PTK2: variants seen among roughly 807,000 people sequenced by gnomAD.
The protein encoded by PTK2 is protein tyrosine kinase 2.
Under a neutral mutation model 150.1 loss-of-function variants are expected in PTK2, and 45 were observed. The observed-to-expected ratio is 0.30, with a 90% CI of 0.24 to 0.38. PTK2 has a LOEUF of 0.38. Among genes scored for constraint, PTK2 ranks in the 10% least tolerant of loss-of-function variants. The pLI is 1.00. For synonymous variants in PTK2, 432 were observed against 449.2 expected (o/e 0.96, Z 0.48); for missense variants, 919 against 1,307.3 (o/e 0.70, Z 4.58).
chr8:140,991,141 G>A (rs2100195566), intron 1 of PTK2, among the ~76,000 whole-genome samples: 2 of 152,146 alleles, frequency 1.3e-5, no homozygotes, highest in African/African-American at 4.8e-5. Flanking sequence ...TTTCTTAGGA[G>A]AAAAGAGCAA....
intron 22 of PTK2, among the ~76,000 whole-genome samples, chr8:140,724,503 A>G (rs1479553244): frequency 1.3e-5 from 2 of 152,198 alleles, no homozygotes; most frequent in Non-Finnish European, 2.9e-5. Context: ...AAAAGATTGG[A>G]TTTTGATACT....
At chr8:140,864,258 T>C in intron 5 of PTK2, 54 bp downstream of exon 5, 7 of 1,047,414 alleles carry the variant, frequency 6.7e-6, no homozygotes, top group Non-Finnish European at 9.4e-6. Flanking sequence ...AAATATGCAA[T>C]AAATAGGATT....
chr8:140,845,659 T>C (rs2100124965), intron 7 of PTK2, among the ~76,000 whole-genome samples: 2 of 152,202 alleles, frequency 1.3e-5, no homozygotes, highest in Non-Finnish European at 2.9e-5. Context: ...GGGGTTAAAA[T>C]TTTGTTTTAT....
intron 16 of PTK2, among the ~76,000 whole-genome samples, chr8:140,758,602 CTAATGTATGTGT>C (rs1322625425): frequency 1.3e-5 from 2 of 151,282 alleles, no homozygotes; most frequent in South Asian, 2.1e-4. Context: ...TAGGCCTAGC[CTAATGTATGTGT>C]TTGTGTCTTA....
At chr8:140,912,504 A>AT (rs1168559282) in intron 2 of PTK2, among the ~76,000 whole-genome samples, 1 of 152,120 alleles carries the variant, frequency 6.6e-6, no homozygotes, top group Non-Finnish European at 1.5e-5. Flanking sequence ...TTTAAACACT[A>AT]TAATTCATCA....
At chr8:140,988,493 G>A (rs1012161746) in intron 1 of PTK2, among the ~76,000 whole-genome samples, 1 of 152,170 alleles carries the variant, frequency 6.6e-6, no homozygotes, top group Admixed American at 6.5e-5. Flanking sequence ...ACTTTGGGAG[G>A]CCAAGGCAGG....
At chr8:140,966,561 T>C (rs2100185384) in intron 1 of PTK2, among the ~76,000 whole-genome samples, 1 of 152,242 alleles carries the variant, frequency 6.6e-6, no homozygotes, top group Non-Finnish European at 1.5e-5. Flanking sequence ...AATCTATTTG[T>C]AACTATGAAA....
In PTK2 at chr8:140,837,935, A is replaced by C. The variant is rs1382150210; in HGVS notation, c.594-7409T>G. Among the ~76,000 whole-genome samples, 4 of 151,924 alleles carry C rather than the reference A, an allele frequency of 2.6e-5. No homozygotes were observed. In the East Asian group the frequency reaches 7.8e-4, roughly 29 times the overall value. On this transcript the variant is annotated intron_variant, in intron 7 of 31. Transcript: ENST00000522684. The stretch of plus-strand genomic sequence containing the variant: ...AAATTAGCCGGGCACAGTGGTGGGC[A>C]CCTGCAATCCCAGCTACTTAGGAGG...
intron 5 of PTK2, among the ~76,000 whole-genome samples, chr8:140,862,137 T>C (rs1347008857): frequency 6.6e-6 from 1 of 152,208 alleles, no homozygotes; most frequent in Admixed American, 6.5e-5. Context: ...TGCAGACTTT[T>C]AGGTTAGCCT....
At chr8:140,806,275 A>G (rs2100098145) in intron 10 of PTK2, among the ~76,000 whole-genome samples, 1 of 152,200 alleles carries the variant, frequency 6.6e-6, no homozygotes, top group Admixed American at 6.5e-5. Context: ...TTGAAGTTTT[A>G]TTAAGAGTTC....
chr8:140,700,848 C>T (rs1405375322), intron 26 of PTK2, 43 bp downstream of exon 29: 1 of 1,608,024 alleles, frequency 6.2e-7, no homozygotes, highest in Non-Finnish European at 8.5e-7. Context: ...TAGACTCTAA[C>T]AGGGCTTAAA....
At chr8:140,878,359 G>A (rs766882244) in intron 4 of PTK2, among the ~76,000 whole-genome samples, 7 of 152,156 alleles carry the variant, frequency 4.6e-5, no homozygotes, top group Non-Finnish European at 5.9e-5. Flanking sequence ...CAACACTTTG[G>A]GAGGCCAAGG....
At chr8:140,725,845 A>C (rs968101545) in intron 22 of PTK2, among the ~76,000 whole-genome samples, 3 of 127,112 alleles carry the variant, frequency 2.4e-5, no homozygotes, top group Admixed American at 1.5e-4. Context: ...CTTGATATAC[A>C]AAAAAAAAAA....
intron 1 of PTK2, among the ~76,000 whole-genome samples, chr8:140,945,592 CA>C (rs145524972): frequency 1.3e-5 from 2 of 149,740 alleles, no homozygotes; most frequent in African/African-American, 2.5e-5. Flanking sequence ...CTTTATTTCT[CA>C]AAAAAAAACA....
chr8:140,709,120 T>C (rs1289415436), intron 23 of PTK2, among the ~76,000 whole-genome samples: 1 of 152,158 alleles, frequency 6.6e-6, no homozygotes, highest in Non-Finnish European at 1.5e-5. Flanking sequence ...GCAATTTAAA[T>C]AGGGGCATAT....
intron 30 of PTK2, 41 bp from the exon 35 acceptor site, chr8:140,665,038 A>G: frequency 6.5e-7 from 1 of 1,530,194 alleles, no homozygotes; most frequent in South Asian, 1.2e-5. Context: ...AACACACACA[A>G]AGGATTTTTA....
intron 12 of PTK2, among the ~76,000 whole-genome samples, chr8:140,797,605 A>T (rs186048800): frequency 2.0e-5 from 3 of 152,168 alleles, no homozygotes; most frequent in Non-Finnish European, 4.4e-5. Flanking sequence ...ACAACTCTAT[A>T]TTACACTATA....
chr8:140,950,868 A>G (rs1341169293), intron 1 of PTK2, among the ~76,000 whole-genome samples: 1 of 152,240 alleles, frequency 6.6e-6, no homozygotes, highest in African/African-American at 2.4e-5. Flanking sequence ...TTTATATAAG[A>G]GACAGGCTCC....
chr8:140,793,513 T>C (rs749914759), intron 12 of PTK2, 129 bp from the exon 13 acceptor site: 40 of 884,802 alleles, frequency 4.5e-5, no homozygotes, highest in Non-Finnish European at 6.3e-5. Context: ...AGAAAGTTGC[T>C]ACACTGTCTA....
Sources: gnomAD v4.1 joint callset for allele counts (sites outside exome capture counted in the v4.1 genomes callset) on GRCh38, gnomAD v4.1.1 for gene constraint, MANE v1.5 for transcripts, NCBI Gene and HGNC (gene_info 2026-07-23, HGNC 2026-07-21) for gene names.